The following KIF24 variants were observed in gnomAD, a reference collection of about 807,000 sequenced individuals.
KIF24 encodes kinesin family member 24.
Under a neutral mutation model 118.9 loss-of-function variants are expected in KIF24, and 81 were observed. The observed-to-expected ratio is 0.68, with a 90% CI of 0.57 to 0.82. KIF24 has a LOEUF of 0.82. Among genes scored for constraint, KIF24 ranks in the 40% least tolerant of loss-of-function variants. The pLI is 0.00. For missense variants in KIF24, 1,560 were observed against 1,661.6 expected (o/e 0.94, Z 1.06); for synonymous variants, 599 against 610.0 (o/e 0.98, Z 0.27).
In KIF24 at chr9:34,256,070, C is replaced by T. The variant is rs757564655; in HGVS notation, c.3537G>A (p.Thr1179=). Residue 1179 remains threonine (T), a synonymous_variant, in exon 11 of 13, where the codon ACG becomes ACA. Coordinates refer to ENST00000402558, the MANE Select transcript of KIF24 (RefSeq NM_194313.4). ...SEQYDADAEE[T]GLDGSWGFPG... ...GGAAACCCCAGGAGCCATCCAGCCC[C>T]GTCTCCTCTGCATCAGCATCATACT... 35 of 1,613,850 alleles carry T rather than the reference C, an allele frequency of 2.2e-5. No individual in the cohort carries two copies. Among genetic ancestry groups the T allele is most frequent in the East Asian group, 4.5e-5 (2 of 44,892 alleles).
intron 2 of KIF24, among the ~76,000 whole-genome samples, chr9:34,310,014 T>C (rs1251237182): frequency 6.6e-6 from 1 of 151,688 alleles, no homozygotes; most frequent in Non-Finnish European, 1.5e-5. Context: ...TTTCCTATTA[T>C]ACCATTGTTA....
intron 1 of KIF24, among the ~76,000 whole-genome samples, chr9:34,326,864 C>CA (rs1837687356): frequency 6.6e-6 from 1 of 151,970 alleles, no homozygotes; most frequent in Admixed American, 6.6e-5. Context: ...TTCACTCTCC[C>CA]AGTTCTGTGA....
At chr9:34,272,734 C>A (rs906570087) in intron 6 of KIF24, among the ~76,000 whole-genome samples, 1 of 152,132 alleles carries the variant, frequency 6.6e-6, no homozygotes, top group Non-Finnish European at 1.5e-5. Context: ...GAGGTACTCC[C>A]GGCTCAGCCT....
At chr9:34,280,349 G>C (rs935437620) in intron 6 of KIF24, among the ~76,000 whole-genome samples, 1 of 149,220 alleles carries the variant, frequency 6.7e-6, no homozygotes, top group African/African-American at 2.5e-5. Flanking sequence ...GGATGCAGGG[G>C]TTGACTCAAC....
chr9:34,258,080 C>T (rs1435786478), intron 10 of KIF24, 99 bp from the exon 11 acceptor site: 1 of 910,580 alleles, frequency 1.1e-6, no homozygotes, highest in East Asian at 2.4e-5. Flanking sequence ...AAAAGTATTA[C>T]AAGGATTGGG....
At position 34,310,939 on chromosome 9, in the gene KIF24, C is replaced by T. The variant is rs1159131489; in HGVS notation, c.408G>A (p.Val136=). ...AATCATCTGGTAGCATGTGTTCTAG[C>T]ACTTTTAGGTAAGTGGACTTCTGTT... is the stretch of plus-strand genomic sequence containing the variant. ...ANEQKSTYLK[V]LEHMLPDDSQ... is the part of the protein sequence containing the mutation. Residue 136 remains valine (V), a synonymous_variant, in exon 2 of 13, where the codon GTG becomes GTA. Transcript: ENST00000402558. 1 of 1,613,862 alleles carries T rather than the reference C, an allele frequency of 6.2e-7. No homozygotes were observed. The highest frequency in any genetic ancestry group is 1.7e-5 in the Admixed American group (1 of 60,020).
At chr9:34,283,052 CAAAAAAAAA>C (rs33926979) in intron 6 of KIF24, among the ~76,000 whole-genome samples, 1 of 69,062 alleles carries the variant, frequency 1.4e-5, no homozygotes, top group Non-Finnish European at 2.8e-5. Flanking sequence ...AACTCCGTCT[CAAAAAAAAA>C]AAAAAAAAAA....
At position 34,278,730 on chromosome 9, in the gene KIF24, A is replaced by G. The variant is rs116757059; in HGVS notation, c.1216-6800T>C. ...CTCCTCCTTCTCAAACTCCTTCCCT[A>G]ACTAAACTCTGTTGGGCAAGTTTCT... On this transcript the variant is annotated intron_variant, in intron 6 of 12. Coordinates refer to ENST00000402558, the MANE Select transcript of KIF24 (RefSeq NM_194313.4). Among the ~76,000 whole-genome samples the G allele has an allele frequency of 8.8e-3, 1,336 of 152,276 alleles. 24 individuals carry two copies. The highest frequency in any genetic ancestry group is 0.03 in the African/African-American group (1,243 of 41,550).
At chr9:34,286,761 T>G in intron 5 of KIF24, 57 bp from the exon 6 acceptor site, 1 of 1,191,028 alleles carries the variant, frequency 8.4e-7, no homozygotes, top group Non-Finnish European at 1.3e-6. Context: ...ACTTTGTTCT[T>G]GCCTCCCCAG....
chr9:34,295,220 GAC>G, intron 4 of KIF24, among the ~76,000 whole-genome samples: 1 of 151,906 alleles, frequency 6.6e-6, no homozygotes, highest in Non-Finnish European at 1.5e-5. Context: ...CAGACAGACA[GAC>G]AGACAGAGGC....
upstream of KIF24, among the ~76,000 whole-genome samples, chr9:34,331,884 T>G (rs559131438): frequency 3.5e-4 from 53 of 152,212 alleles, no homozygotes; most frequent in Non-Finnish European, 3.8e-4. Flanking sequence ...TCTCTTTCCC[T>G]TGGCTTATGA....
rs528734366 is a variant in KIF24 at position 34,329,173 on chromosome 9, C to T, written c.-93G>A. On this transcript the variant is annotated 5_prime_UTR_variant, in exon 1 of 13. Transcript: ENST00000402558. ...AAGACAATGCCGTCGGGAGTGAGCC[C>T]CAAAGCCCGCAACCTAACAGTCCCG... is the stretch of plus-strand genomic sequence containing the variant. Among the ~76,000 whole-genome samples the T allele has an allele frequency of 5.6e-4, 86 of 152,334 alleles. No individual in the cohort carries two copies. In the South Asian group the frequency reaches 9.1e-3, roughly 16 times the overall value.
chr9:34,328,713 A>AC (rs1837762356), intron 1 of KIF24, among the ~76,000 whole-genome samples: 1 of 152,216 alleles, frequency 6.6e-6, no homozygotes, highest in Admixed American at 6.5e-5. Flanking sequence ...TGCTTGCCTT[A>AC]CCTCAAAGGC....
At chr9:34,323,146 T>C (rs1305539204) in intron 1 of KIF24, among the ~76,000 whole-genome samples, 2 of 144,710 alleles carry the variant, frequency 1.4e-5, no homozygotes, top group Non-Finnish European at 3.1e-5. Context: ...AATTAGAATA[T>C]ATGATACTTA....
chr9:34,296,536 CAA>C (rs112786836), intron 4 of KIF24, among the ~76,000 whole-genome samples: 10 of 109,350 alleles, frequency 9.1e-5, no homozygotes, highest in Admixed American at 1.9e-4. Context: ...GACTCCATCT[CAA>C]AAAAAAAAAA....
At chr9:34,284,406 G>A (rs1835961539) in intron 6 of KIF24, among the ~76,000 whole-genome samples, 1 of 152,128 alleles carries the variant, frequency 6.6e-6, no homozygotes, top group South Asian at 2.1e-4. Context: ...CAGCTGCAAT[G>A]CTCCAAATAA....
intron 6 of KIF24, among the ~76,000 whole-genome samples, chr9:34,272,416 T>TAA (rs986435457): frequency 1.2e-4 from 18 of 152,194 alleles, no homozygotes. Context: ...GTAATTACCA[T>TAA]AAGCCCATGA....
Position 34,256,573 on chromosome 9 carries a change from T to C in KIF24, c.3034A>G (p.Ser1012Gly). 3 of 1,613,994 alleles carry C rather than the reference T, an allele frequency of 1.9e-6. No individual in the cohort carries two copies. The highest frequency in any genetic ancestry group is 2.5e-6 in the Non-Finnish European group (3 of 1,179,890). Residue 1012 changes from serine (S) to glycine (G), a missense_variant, in exon 11 of 13, where the codon AGT becomes GGT. This residue lies in a region of KIF24 where 591 missense variants were observed against 655.6 expected (regional missense o/e 0.90). Transcript: ENST00000402558. ...DTVTTPLREV[S>G]ADGPIQVTST... ...GTCACCTGGATTGGGCCGTCTGCAC[T>C]GACTTCTCTCAGAGGTGTGGTGACT...
At chr9:34,310,692 C>G (rs768646556) in intron 2 of KIF24, 32 bp downstream of exon 2, 1 of 1,531,192 alleles carries the variant, frequency 6.5e-7, no homozygotes, top group East Asian at 2.3e-5. Flanking sequence ...AGGCTACTTT[C>G]CCTCAAAAGA....
Sources: gnomAD v4.1 joint callset for allele counts (sites outside exome capture counted in the v4.1 genomes callset) on GRCh38, gnomAD v4.1.1 for gene constraint, gnomAD v4.1.1 regional missense constraint, MANE v1.5 for transcripts, NCBI Gene and HGNC (gene_info 2026-07-23, HGNC 2026-07-21) for gene names.